TENM3: variants seen among roughly 807,000 people sequenced by gnomAD.
TENM3 encodes the protein teneurin-3.
Under a neutral mutation model 255.1 loss-of-function variants are expected in TENM3, and 63 were observed. That is an observed-to-expected ratio of 0.25 (90% CI 0.20 to 0.30). The LOEUF is 0.30. TENM3 is among the 10% of genes least tolerant of loss of function. The probability of loss-of-function intolerance (pLI) is 1.00; values close to 1 mark genes in which losing one functional copy is unlikely to be tolerated. For synonymous variants in TENM3, 1,306 were observed against 1,322.3 expected, an observed-to-expected ratio of 0.99 and a Z score of 0.27; for missense variants, 2,929 against 3,461.1, an observed-to-expected ratio of 0.85 and a Z score of 3.86.
chr4:181,595,453 A>C, the TENM3 span, among the ~76,000 whole-genome samples: 1 of 144,686 alleles, frequency 6.9e-6, no homozygotes, highest in Non-Finnish European at 1.5e-5. Context: ...AAAAAAAAAA[A>C]ACAAGCAAGA....
intron 1 of TENM3, among the ~76,000 whole-genome samples, chr4:182,259,458 C>T (rs566553440): frequency 8.5e-5 from 13 of 152,076 alleles, no homozygotes; most frequent in Admixed American, 5.9e-4. Flanking sequence ...ACCACAGGTG[C>T]GCGCCACCAC....
At chr4:182,498,639 A>G (rs1281505643) in intron 3 of TENM3, among the ~76,000 whole-genome samples, 8 of 152,278 alleles carry the variant, frequency 5.3e-5, no homozygotes, top group Admixed American at 1.3e-4. Context: ...AGATCACCTG[A>G]GGTCAGGAGT....
intron 3 of TENM3, among the ~76,000 whole-genome samples, chr4:182,569,899 CT>C (rs1314698243): frequency 2.2e-4 from 34 of 152,186 alleles, no homozygotes; most frequent in African/African-American, 7.7e-4. Flanking sequence ...TGAACTGTGC[CT>C]TGAAGAATAA....
chr4:181,805,613 G>GTGTGGT, the TENM3 span, among the ~76,000 whole-genome samples: 4 of 120,756 alleles, frequency 3.3e-5, no homozygotes, highest in Non-Finnish European at 7.6e-5. Flanking sequence ...GTGTGTGTGT[G>GTGTGGT]GTGTGTGTGT....
intron 1 of TENM3, among the ~76,000 whole-genome samples, chr4:182,294,943 C>T (rs1761368251): frequency 6.6e-6 from 1 of 152,116 alleles, no homozygotes; most frequent in African/African-American, 2.4e-5. Flanking sequence ...TGCTTATTCA[C>T]ACTTTTTACA....
At chr4:181,969,634 T>C in the TENM3 span, among the ~76,000 whole-genome samples, 2 of 152,222 alleles carry the variant, frequency 1.3e-5, no homozygotes, top group Non-Finnish European at 2.9e-5. Flanking sequence ...GATACCTAAA[T>C]ATACAGAAAT....
chr4:181,609,814 C>A, the TENM3 span, among the ~76,000 whole-genome samples: 2 of 152,152 alleles, frequency 1.3e-5, no homozygotes, highest in African/African-American at 4.8e-5. Context: ...TCGATTTTAA[C>A]AAATGTATGA....
the TENM3 span, among the ~76,000 whole-genome samples, chr4:181,580,188 G>T: frequency 1.3e-5 from 2 of 151,934 alleles, no homozygotes; most frequent in Non-Finnish European, 2.9e-5. Flanking sequence ...AGTAGAGACA[G>T]GGTTTCTCCA....
At chr4:181,718,244 T>G in the TENM3 span, among the ~76,000 whole-genome samples, 1 of 152,252 alleles carries the variant, frequency 6.6e-6, no homozygotes, top group Non-Finnish European at 1.5e-5. Flanking sequence ...AGATTTCCTG[T>G]GACCTTGGAA....
At chr4:182,607,645 A>G (rs1748562934) in intron 4 of TENM3, among the ~76,000 whole-genome samples, 2 of 152,302 alleles carry the variant, frequency 1.3e-5, no homozygotes, top group South Asian at 2.1e-4. Flanking sequence ...GTACTGTACA[A>G]TAGAGTGGGA....
At chr4:182,530,344 C>T (rs996815251) in intron 3 of TENM3, among the ~76,000 whole-genome samples, 13 of 152,264 alleles carry the variant, frequency 8.5e-5, no homozygotes, top group Non-Finnish European at 1.2e-4. Flanking sequence ...TTGCCTTTCC[C>T]TGTTTGTAGT....
At chr4:182,301,365 A>G (rs914555035) in intron 1 of TENM3, among the ~76,000 whole-genome samples, 1 of 152,216 alleles carries the variant, frequency 6.6e-6, no homozygotes, top group Non-Finnish European at 1.5e-5. Flanking sequence ...GATACAAATA[A>G]TATATTTTCC....
chr4:181,877,117 G>A, the TENM3 span: 2 of 152,084 alleles, frequency 1.3e-5, no homozygotes, highest in Non-Finnish European at 2.9e-5. Flanking sequence ...CCAGGAGTTT[G>A]TGATCTAGTG....
chr4:181,522,626 C>A, the TENM3 span: 1 of 536,294 alleles, frequency 1.9e-6, no homozygotes, highest in East Asian at 3.5e-5. Flanking sequence ...TTCTTGAGGT[C>A]TCCAACTATG....
the TENM3 span, among the ~76,000 whole-genome samples, chr4:181,823,479 T>C: frequency 2.6e-5 from 4 of 152,152 alleles, no homozygotes; most frequent in Non-Finnish European, 4.4e-5. Flanking sequence ...TCAAAACTAT[T>C]CTATCAATCA....
intron 7 of TENM3, among the ~76,000 whole-genome samples, chr4:182,678,284 A>G (rs1209449870): frequency 6.6e-6 from 1 of 152,226 alleles, no homozygotes; most frequent in Middle Eastern, 3.4e-3. Flanking sequence ...ATTCTTTTTT[A>G]AACTCTCCAG....
At position 182,755,199 on chromosome 4, in the gene TENM3, A is replaced by G. The variant is rs1762638609; in HGVS notation, c.4832A>G (p.His1611Arg). Residue 1611 changes from histidine (H) to arginine (R), a missense_variant, in exon 22 of 28, where the codon CAT (histidine) becomes CGT (arginine). This residue lies in a region of TENM3 where 1,608 missense variants were observed against 1,884.4 expected (regional missense o/e 0.85). Coordinates refer to ENST00000511685, the MANE Select transcript of TENM3 (RefSeq NM_001080477.4). ...QGLELVLFTYHGNSGLLATKS... is the reference protein window; with the variant it reads ...QGLELVLFTYRGNSGLLATKS... Reference sequence around the variant, plus strand: ...CTGGAATTAGTTTTGTTTACTTACCATGGCAATAGTGGCCTTTTAGCCACT... The same window carrying G: ...CTGGAATTAGTTTTGTTTACTTACCGTGGCAATAGTGGCCTTTTAGCCACT... The G allele has an allele frequency of 1.2e-6, 2 of 1,612,448 alleles. No homozygotes were observed. The highest frequency in any genetic ancestry group is 1.7e-6 in the Non-Finnish European group (2 of 1,179,860).
chr4:182,200,675 G>A (rs1456358943), intron 1 of TENM3, among the ~76,000 whole-genome samples: 1 of 152,266 alleles, frequency 6.6e-6, no homozygotes, highest in Non-Finnish European at 1.5e-5. Context: ...AAGATTAGAA[G>A]CATATAGACA....
intron 1 of TENM3, among the ~76,000 whole-genome samples, chr4:182,194,659 C>G (rs1406335135): frequency 6.6e-6 from 1 of 152,204 alleles, no homozygotes; most frequent in African/African-American, 2.4e-5. Flanking sequence ...ACTAAATACT[C>G]TGCAATGGTA....
Sources: gnomAD v4.1 joint callset for allele counts (sites outside exome capture counted in the v4.1 genomes callset) on GRCh38, gnomAD v4.1.1 for gene constraint, gnomAD v4.1.1 regional missense constraint, MANE v1.5 for transcripts, NCBI Gene and HGNC (gene_info 2026-07-23, HGNC 2026-07-21) for gene names.